RPH3A: variants seen among roughly 807,000 people sequenced by gnomAD.
RPH3A encodes rabphilin 3A.
In RPH3A, 48 loss-of-function variants were observed where a neutral mutation model predicts 102.2. The ratio of observed to expected loss-of-function variants is 0.47; its 90% CI spans 0.37 to 0.60. The LOEUF is 0.60. Among genes scored for constraint, RPH3A ranks in the 20% least tolerant of loss-of-function variants. The probability of loss-of-function intolerance (pLI) is 0.00; values close to 1 mark genes in which losing one functional copy is unlikely to be tolerated. For missense variants in RPH3A, 781 were observed against 910.1 expected (o/e 0.86, Z 1.83); for synonymous variants, 310 against 324.3 (o/e 0.96, Z 0.47).
chr12:112,694,805 T>C (rs1430935008), intron 1 of RPH3A, among the ~76,000 whole-genome samples: 6 of 152,212 alleles, frequency 3.9e-5, no homozygotes, highest in African/African-American at 7.2e-5. Flanking sequence ...AATTGCCTCA[T>C]TGGTAAAACA....
rs796640306 is a variant in RPH3A, at chr12:112,697,865, C to CA, written c.-139-94267dup. 5.2e-3 allele frequency among the ~76,000 whole-genome samples: 726 copies of CA among 140,154 alleles called. 5 individuals carry two copies. The highest frequency in any genetic ancestry group is 0.015 in the African/African-American group (582 of 38,230). 91.9% of individuals were successfully genotyped at this position (140,154 alleles called of 152,430 possible). The stretch of plus-strand genomic sequence containing the variant: ...GGGTGAGAAGAGTGAAACTCCATCT[C>CA]AAAAAAAAAAATCCAAACAGACTTT... On this transcript the variant is annotated intron_variant, in intron 1 of 21. Transcript: ENST00000543106.
chr12:112,712,648 C>T (rs1037891103), intron 1 of RPH3A, among the ~76,000 whole-genome samples: 11 of 151,632 alleles, frequency 7.3e-5, no homozygotes, highest in African/African-American at 2.7e-4. Flanking sequence ...GCTCATTTGT[C>T]CCCTACTTGT....
At chr12:112,780,516 G>A (rs139755557) in intron 1 of RPH3A, among the ~76,000 whole-genome samples, 134 of 152,214 alleles carry the variant, frequency 8.8e-4, no homozygotes, top group African/African-American at 3.2e-3. Flanking sequence ...GCCGATAAAC[G>A]TAATCTTGCA....
At chr12:112,818,307 T>TAAAAAA (rs745954372) in intron 2 of RPH3A, among the ~76,000 whole-genome samples, 10 of 43,808 alleles carry the variant, frequency 2.3e-4, no homozygotes, top group Non-Finnish European at 3.8e-4. Flanking sequence ...TCAAGAAGAA[T>TAAAAAA]AAAAAAAAAA....
At chr12:112,763,909 G>A (rs761521961) in intron 1 of RPH3A, among the ~76,000 whole-genome samples, 1 of 152,138 alleles carries the variant, frequency 6.6e-6, no homozygotes, top group Non-Finnish European at 1.5e-5. Context: ...GGTGGTCTGG[G>A]GCTGTGTTCC....
chr12:112,883,231 G>T, intron 15 of RPH3A, 62 bp from the exon 16 acceptor site: 13 of 1,288,708 alleles, frequency 1.0e-5, no homozygotes, highest in East Asian at 2.4e-5. Context: ...CCCAAACGAT[G>T]GGGTTCCAGG....
intron 13 of RPH3A, among the ~76,000 whole-genome samples, chr12:112,877,331 G>A (rs1165084808): frequency 1.3e-5 from 2 of 151,502 alleles, no homozygotes; most frequent in Non-Finnish European, 2.9e-5. Context: ...ATTTTCTCTT[G>A]CATCCTTATT....
intron 1 of RPH3A, among the ~76,000 whole-genome samples, chr12:112,583,970 A>T (rs775046711): frequency 6.6e-6 from 1 of 152,192 alleles, no homozygotes; most frequent in Non-Finnish European, 1.5e-5. Flanking sequence ...TGAATGACAG[A>T]GCGAGACCCT....
rs1357605875 is a variant in RPH3A, at chr12:112,875,068, T to C, written c.797-16T>C. 2 of 1,594,218 alleles carry C rather than the reference T, an allele frequency of 1.3e-6. No individual in the cohort carries two copies. The highest frequency in any genetic ancestry group is 1.1e-5 in the South Asian group (1 of 87,924). On this transcript the variant is annotated splice_polypyrimidine_tract_variant and intron_variant, in intron 10 of 21. Transcript: ENST00000389385. ...GTGTGACACATAATGGCTGTTTTCT[T>C]TTCTTTCCTCTGCAGGTTTGAGACG...
chr12:112,788,263 A>G (rs2041064688), upstream of RPH3A, among the ~76,000 whole-genome samples: 1 of 152,184 alleles, frequency 6.6e-6, no homozygotes, highest in South Asian at 2.1e-4. Flanking sequence ...TTATTTTTTA[A>G]TTTTGGTGCA....
intron 1 of RPH3A, among the ~76,000 whole-genome samples, chr12:112,664,146 CA>C (rs1031084946): frequency 1.2e-4 from 18 of 152,036 alleles, no homozygotes; most frequent in African/African-American, 4.1e-4. Context: ...AGAACGTGTG[CA>C]AAACCTTAGA....
At chr12:112,679,449 TCTCA>T (rs1242797694) in intron 1 of RPH3A, among the ~76,000 whole-genome samples, 1 of 150,586 alleles carries the variant, frequency 6.6e-6, no homozygotes, top group African/African-American at 2.4e-5. Context: ...CACCGTAGAC[TCTCA>T]CTCACTCTGT....
intron 4 of RPH3A, among the ~76,000 whole-genome samples, chr12:112,839,594 G>C (rs530440287): frequency 2.6e-5 from 4 of 152,154 alleles, no homozygotes; most frequent in Non-Finnish European, 5.9e-5. Context: ...AACACACAAG[G>C]CCTTTGGAGG....
intron 2 of RPH3A, among the ~76,000 whole-genome samples, chr12:112,813,090 A>G (rs113146915): frequency 0.015 from 2,219 of 152,324 alleles, 51 homozygotes; most frequent in African/African-American, 0.05. Context: ...TCTTAGAAGG[A>G]AAGAAAGGCA....
intron 1 of RPH3A, among the ~76,000 whole-genome samples, chr12:112,735,274 A>G (rs996823482): frequency 6.6e-6 from 1 of 152,260 alleles, no homozygotes; most frequent in Non-Finnish European, 1.5e-5. Context: ...GGGAAGCTGT[A>G]AGGCTTGTAA....
At chr12:112,805,811 T>C (rs1034989993) in intron 2 of RPH3A, among the ~76,000 whole-genome samples, 2 of 152,180 alleles carry the variant, frequency 1.3e-5, no homozygotes, top group South Asian at 4.1e-4. Context: ...AACATATAAT[T>C]ATTCGTCTAT....
intron 1 of RPH3A, among the ~76,000 whole-genome samples, chr12:112,601,521 C>T (rs1056787539): frequency 2.0e-5 from 3 of 152,048 alleles, no homozygotes; most frequent in Non-Finnish European, 4.4e-5. Flanking sequence ...CCCCAAAAAA[C>T]GTGCCAAGAA....
intron 2 of RPH3A, among the ~76,000 whole-genome samples, chr12:112,822,874 AGTT>A (rs1158624451): frequency 6.6e-6 from 1 of 152,204 alleles, no homozygotes; most frequent in Non-Finnish European, 1.5e-5. Context: ...TTGAACTTTC[AGTT>A]GTTGTTGTTG....
chr12:112,856,459 A>G (rs919481116), intron 5 of RPH3A, among the ~76,000 whole-genome samples: 1 of 150,110 alleles, frequency 6.7e-6, no homozygotes, highest in Non-Finnish European at 1.5e-5. Context: ...GTATTCTTGC[A>G]TGTAGGTTCT....
Sources: gnomAD v4.1 joint callset for allele counts (sites outside exome capture counted in the v4.1 genomes callset) on GRCh38, gnomAD v4.1.1 for gene constraint, MANE v1.5 for transcripts, NCBI Gene and HGNC (gene_info 2026-07-23, HGNC 2026-07-21) for gene names.